Variants in IL1RAPL1 observed in about 807,000 individuals in gnomAD.
The protein encoded by IL1RAPL1 is interleukin-1 receptor accessory protein-like 1.
Under a neutral mutation model 48.4 loss-of-function variants are expected in IL1RAPL1, and 3 were observed. The ratio of observed to expected loss-of-function variants is 0.06; its 90% CI spans 0.03 to 0.16. IL1RAPL1 has a LOEUF of 0.16. IL1RAPL1 is among the 10% of genes least tolerant of loss of function. IL1RAPL1 has a pLI of 1.00. For missense variants in IL1RAPL1, 349 were observed against 530.6 expected (o/e 0.66, Z 3.36); for synonymous variants, 185 against 187.7 (o/e 0.99, Z 0.12).
At chrX:28,931,601 A>C (rs1426011367) in intron 2 of IL1RAPL1, among the ~76,000 whole-genome samples, 1 of 111,842 alleles carries the variant, frequency 8.9e-6, no homozygotes, top group African/African-American at 3.2e-5. Context: ...TAAATCTGAA[A>C]ATTTTATTTG....
chrX:29,552,850 T>C (rs1921865711), intron 5 of IL1RAPL1, among the ~76,000 whole-genome samples: 1 of 100,234 alleles, frequency 1.0e-5, no homozygotes, highest in Admixed American at 1.1e-4. Context: ...GGCAAGTTTC[T>C]ATTGATTAAG....
intron 6 of IL1RAPL1, among the ~76,000 whole-genome samples, chrX:29,763,088 A>G (rs1371491259): frequency 9.2e-6 from 1 of 108,923 alleles, no homozygotes; most frequent in Non-Finnish European, 1.9e-5. Flanking sequence ...TTGTCTCTGA[A>G]CTGATTAAAT....
chrX:29,476,229 C>G (rs1272329210), intron 5 of IL1RAPL1, among the ~76,000 whole-genome samples: 1 of 111,598 alleles, frequency 9.0e-6, no homozygotes, highest in Non-Finnish European at 1.9e-5. Flanking sequence ...TGAGTATAAC[C>G]AGAGACAAGA....
At chrX:29,553,700 A>G (rs180823632) in intron 5 of IL1RAPL1, among the ~76,000 whole-genome samples, 1 of 111,150 alleles carries the variant, frequency 9.0e-6, no homozygotes, top group African/African-American at 3.3e-5. Context: ...TACTCTGGGC[A>G]TAGTTCACAA....
At chrX:29,589,337 T>G (rs2147055062) in intron 5 of IL1RAPL1, among the ~76,000 whole-genome samples, 1 of 112,020 alleles carries the variant, frequency 8.9e-6, no homozygotes, top group Non-Finnish European at 1.9e-5. Context: ...GCGAGCATCT[T>G]CTATGTGTCA....
Position 29,216,215 on chromosome X carries a change from G to T in IL1RAPL1, c.83-66723G>T, listed in dbSNP as rs1190520405. ...TTGTTTTTTGTTTTTGTTGAGACAG[G>T]GTCTCACTCTGTCTCCCAGGCTGGA... On this transcript the variant is annotated intron_variant, in intron 2 of 10. Coordinates refer to ENST00000378993, the MANE Select transcript of IL1RAPL1 (RefSeq NM_014271.4). Among the ~76,000 whole-genome samples the T allele has an allele frequency of 4.5e-5, 5 of 110,266 alleles. No individual in the cohort carries two copies. In the Admixed American group the frequency reaches 4.9e-4, roughly 11 times the overall value.
chrX:29,062,681 G>A (rs1183677887), intron 2 of IL1RAPL1, among the ~76,000 whole-genome samples: 1 of 111,776 alleles, frequency 8.9e-6, no homozygotes, highest in African/African-American at 3.2e-5. Flanking sequence ...TATCATATAT[G>A]TTCATCTATT....
At chrX:29,049,919 C>T (rs1403233574) in intron 2 of IL1RAPL1, among the ~76,000 whole-genome samples, 1 of 111,883 alleles carries the variant, frequency 8.9e-6, no homozygotes, top group African/African-American at 3.3e-5. Flanking sequence ...GTAAACTAAA[C>T]TCCAGACTTC....
intron 2 of IL1RAPL1, among the ~76,000 whole-genome samples, chrX:28,980,076 A>G (rs1925293773): frequency 1.8e-5 from 2 of 112,190 alleles, no homozygotes; most frequent in Non-Finnish European, 3.8e-5. Context: ...ACTCAGTGTG[A>G]TTTATTACCT....
In IL1RAPL1 at chrX:28,701,921, A is replaced by C. The variant is rs976682569; in HGVS notation, c.-24-87399A>C. Among the ~76,000 whole-genome samples, 25 of 111,900 alleles carry C rather than the reference A, an allele frequency of 2.2e-4. No individual in the cohort carries two copies. In the Admixed American group the frequency reaches 2.4e-3, roughly 11 times the overall value. On this transcript the variant is annotated intron_variant, in intron 1 of 10. Transcript: ENST00000378993. Reference sequence around the variant, plus strand: ...AATTTACAACATGTATTATACATCAAATACCTTTAGGTTAATAAAATAAAG... The same window carrying C: ...AATTTACAACATGTATTATACATCACATACCTTTAGGTTAATAAAATAAAG...
intron 2 of IL1RAPL1, among the ~76,000 whole-genome samples, chrX:29,120,797 A>C (rs1049537861): frequency 2.7e-5 from 3 of 111,662 alleles, no homozygotes; most frequent in Non-Finnish European, 5.6e-5. Context: ...GACAAGAAAA[A>C]TGCAATCCAA....
chrX:29,330,817 G>A (rs1010187185), intron 3 of IL1RAPL1, among the ~76,000 whole-genome samples: 7 of 111,733 alleles, frequency 6.3e-5, no homozygotes, highest in Non-Finnish European at 1.1e-4. Context: ...TAGGGTGCCC[G>A]TGTAAGTTAT....
intron 5 of IL1RAPL1, among the ~76,000 whole-genome samples, chrX:29,639,021 C>T (rs1267173408): frequency 9.0e-6 from 1 of 110,582 alleles, no homozygotes; most frequent in East Asian, 2.9e-4. Context: ...CCCGTCTCTA[C>T]TAAAAATACG....
At chrX:28,917,325 A>G (rs1923512229) in intron 2 of IL1RAPL1, among the ~76,000 whole-genome samples, 1 of 112,147 alleles carries the variant, frequency 8.9e-6, no homozygotes, top group Admixed American at 9.5e-5. Context: ...CTTCATTTTT[A>G]CATATTTTTC....
At chrX:29,134,728 A>G (rs1258453030) in intron 2 of IL1RAPL1, among the ~76,000 whole-genome samples, 1 of 111,271 alleles carries the variant, frequency 9.0e-6, no homozygotes, top group Non-Finnish European at 1.9e-5. Context: ...ATTTTTCCCA[A>G]ATGAGCCTCC....
At chrX:29,451,384 G>A (rs756966213) in intron 5 of IL1RAPL1, among the ~76,000 whole-genome samples, 49 of 109,275 alleles carry the variant, frequency 4.5e-4, no homozygotes, top group Middle Eastern at 4.7e-3. Context: ...TAATAGAGAC[G>A]GGGTTTCGCC....
At chrX:28,800,838 T>C (rs1190741613) in intron 2 of IL1RAPL1, among the ~76,000 whole-genome samples, 1 of 103,518 alleles carries the variant, frequency 9.7e-6, no homozygotes, top group Non-Finnish European at 1.9e-5. Flanking sequence ...CCTTTGCATA[T>C]TAAAGGGATT....
At chrX:28,900,460 C>T (rs766596400) in intron 2 of IL1RAPL1, among the ~76,000 whole-genome samples, 12 of 111,537 alleles carry the variant, frequency 1.1e-4, no homozygotes, top group African/African-American at 3.9e-4. Flanking sequence ...CTTTCTGGCA[C>T]ACATCATAAA....
chrX:28,992,118 C>T (rs1042416400), intron 2 of IL1RAPL1, among the ~76,000 whole-genome samples: 1 of 111,833 alleles, frequency 8.9e-6, no homozygotes, highest in East Asian at 2.8e-4. Context: ...GAAATAAAGC[C>T]AAGCTTGCCT....
Sources: allele counts gnomAD v4.1 joint callset (sites outside exome capture counted in the v4.1 genomes callset), GRCh38; gene constraint gnomAD v4.1.1; transcripts MANE v1.5; gene names NCBI Gene and HGNC (gene_info 2026-07-23, HGNC 2026-07-21).